LRRC37A2: variants seen among roughly 807,000 people sequenced by gnomAD.
The protein encoded by LRRC37A2 is leucine-rich repeat-containing protein 37A2.
LRRC37A2 carries 9 observed loss-of-function variants against 68.8 expected under a neutral mutation model. That is an observed-to-expected ratio of 0.13 (90% CI 0.08 to 0.23). LRRC37A2 has a LOEUF of 0.23. LRRC37A2 is among the 10% of genes least tolerant of loss of function. The probability of loss-of-function intolerance (pLI) is 1.00; values close to 1 mark genes in which losing one functional copy is unlikely to be tolerated. For missense variants in LRRC37A2, 168 were observed against 950.4 expected, an observed-to-expected ratio of 0.18 and a Z score of 10.82; for synonymous variants, 63 against 367.6, an observed-to-expected ratio of 0.17 and a Z score of 9.48.
chr17:47,005,223 T>G, the LRRC37A2 span, among the ~76,000 whole-genome samples: 4 of 152,250 alleles, frequency 2.6e-5, no homozygotes, highest in Non-Finnish European at 5.9e-5. Flanking sequence ...ACTTTTTGTG[T>G]TGAATGCTCA....
chr17:47,033,350 G>T, the LRRC37A2 span: 1 of 699,716 alleles, frequency 1.4e-6, no homozygotes, highest in South Asian at 1.5e-5. Context: ...GTATGGAGGA[G>T]CTTGGTGTGG....
the LRRC37A2 span, among the ~76,000 whole-genome samples, chr17:47,043,348 G>C: frequency 5.9e-5 from 9 of 151,462 alleles, no homozygotes; most frequent in African/African-American, 2.2e-4. Context: ...CCAGGCACGG[G>C]GATGACAGGG....
the LRRC37A2 span, among the ~76,000 whole-genome samples, chr17:46,859,057 A>G: frequency 6.8e-6 from 1 of 146,676 alleles, no homozygotes; most frequent in Non-Finnish European, 1.5e-5. Flanking sequence ...GCTCACTGCA[A>G]CCTCCACCTC....
At chr17:46,855,850 C>T in the LRRC37A2 span, among the ~76,000 whole-genome samples, 1 of 152,088 alleles carries the variant, frequency 6.6e-6, no homozygotes, top group African/African-American at 2.4e-5. Context: ...AGGCATGTGC[C>T]ACCATGCCTG....
intron 2 of LRRC37A2, among the ~76,000 whole-genome samples, chr17:46,516,269 C>T (rs1262644755): frequency 1.6e-5 from 2 of 128,628 alleles, no homozygotes; most frequent in Non-Finnish European, 3.5e-5. Flanking sequence ...CACCACTGCA[C>T]TCCAGCCTGG....
At chr17:46,501,746 A>G in the LRRC37A2 span, among the ~76,000 whole-genome samples, 16 of 151,394 alleles carry the variant, frequency 1.1e-4, no homozygotes, top group East Asian at 2.3e-3. Flanking sequence ...TCCATTTTCA[A>G]GGACCGATTT....
the LRRC37A2 span, among the ~76,000 whole-genome samples, chr17:46,927,960 C>T: frequency 6.6e-5 from 10 of 152,128 alleles, no homozygotes; most frequent in Admixed American, 1.3e-4. Context: ...TCCTTAGAGT[C>T]CTAATTCTCC....
At chr17:46,759,106 A>C in the LRRC37A2 span, among the ~76,000 whole-genome samples, 1 of 152,180 alleles carries the variant, frequency 6.6e-6, no homozygotes, top group African/African-American at 2.4e-5. Context: ...TGGGAGGATG[A>C]GGCAGGAGAA....
the LRRC37A2 span, chr17:46,922,963 C>T: frequency 1.7e-6 from 1 of 601,742 alleles, no homozygotes; most frequent in South Asian, 1.9e-5. Context: ...ACCGCCTTGC[C>T]CTTCACGTGA....
chr17:47,018,268 A>G, the LRRC37A2 span: 9 of 1,611,484 alleles, frequency 5.6e-6, no homozygotes, highest in African/African-American at 1.2e-4. Flanking sequence ...TCCATCAGTG[A>G]GCAGCAGCAG....
chr17:46,968,475 C>A, the LRRC37A2 span, among the ~76,000 whole-genome samples: 3 of 152,256 alleles, frequency 2.0e-5, no homozygotes, highest in Non-Finnish European at 4.4e-5. Flanking sequence ...CAGAGACCAT[C>A]ACCATCATAA....
chr17:46,478,906 GA>G, the LRRC37A2 span, among the ~76,000 whole-genome samples: 1 of 69,842 alleles, frequency 1.4e-5, no homozygotes, highest in Non-Finnish European at 3.6e-5. Flanking sequence ...GATTGTGGGG[GA>G]TAAGTCAGGA....
chr17:47,012,013 T>G, the LRRC37A2 span, among the ~76,000 whole-genome samples: 2 of 152,184 alleles, frequency 1.3e-5, no homozygotes, highest in African/African-American at 4.8e-5. Context: ...CCCTATAAGA[T>G]CGTGGACATA....
At chr17:46,783,271 T>G in the LRRC37A2 span, among the ~76,000 whole-genome samples, 9,680 of 152,210 alleles carry the variant, frequency 0.064, 1,441 homozygotes, top group East Asian at 0.61. Flanking sequence ...GCTCCTGTCT[T>G]GATTTAGCCC....
chr17:46,735,789 A>G, the LRRC37A2 span, among the ~76,000 whole-genome samples: 1 of 152,162 alleles, frequency 6.6e-6, no homozygotes, highest in Non-Finnish European at 1.5e-5. Flanking sequence ...TACTAAAAAT[A>G]CAAAAATTAG....
the LRRC37A2 span, among the ~76,000 whole-genome samples, chr17:46,864,069 C>T: frequency 6.6e-6 from 1 of 152,232 alleles, no homozygotes; most frequent in African/African-American, 2.4e-5. Context: ...ACAAGGCATT[C>T]CCCAGAGGCC....
At chr17:46,895,464 G>A in the LRRC37A2 span, among the ~76,000 whole-genome samples, 1 of 152,196 alleles carries the variant, frequency 6.6e-6, no homozygotes, top group Non-Finnish European at 1.5e-5. Flanking sequence ...TGGCCGTGGT[G>A]CCTACCATGG....
the LRRC37A2 span, among the ~76,000 whole-genome samples, chr17:46,855,220 C>G: frequency 1.3e-5 from 2 of 152,164 alleles, no homozygotes; most frequent in Non-Finnish European, 2.9e-5. Context: ...GCAGAGAGGC[C>G]GAAGGGGGTG....
the LRRC37A2 span, among the ~76,000 whole-genome samples, chr17:46,760,054 AC>A: frequency 2.8e-3 from 430 of 152,218 alleles, 5 homozygotes; most frequent in African/African-American, 0.01. Flanking sequence ...GACCCCCTGA[AC>A]CCAGGAGTTT....
Sources: gnomAD v4.1 joint callset for allele counts (sites outside exome capture counted in the v4.1 genomes callset) on GRCh38, gnomAD v4.1.1 for gene constraint, MANE v1.5 for transcripts, NCBI Gene and HGNC (gene_info 2026-07-23, HGNC 2026-07-21) for gene names.